The following MID1 variants were observed in gnomAD, a reference collection of about 807,000 sequenced individuals.
MID1 encodes midline 1, also known as E3 ubiquitin-protein ligase Midline-1.
A neutral mutation model predicts 40.4 loss-of-function variants in MID1; 7 were observed. The ratio of observed to expected loss-of-function variants is 0.17; its 90% CI spans 0.10 to 0.33. The LOEUF is 0.33. Ranked by LOEUF, MID1 falls within the 10% of genes least tolerant of loss-of-function variation. MID1 has a pLI of 1.00. For missense variants in MID1, 367 were observed against 558.5 expected, an observed-to-expected ratio of 0.66 and a Z score of 3.46; for synonymous variants, 229 against 221.2, an observed-to-expected ratio of 1.04 and a Z score of -0.31.
At chrX:10,590,355 A>C (rs965562322) in intron 1 of MID1, among the ~76,000 whole-genome samples, 1 of 111,243 alleles carries the variant, frequency 9.0e-6, no homozygotes, top group African/African-American at 3.3e-5. Flanking sequence ...TAGGAGAATA[A>C]AGTTGCTATT....
chrX:10,553,795 C>A, intron 2 of MID1, among the ~76,000 whole-genome samples: 1 of 111,811 alleles, frequency 8.9e-6, no homozygotes, highest in Non-Finnish European at 1.9e-5. Flanking sequence ...TGGAAACTAG[C>A]TCATCCTCAA....
chrX:10,566,532 C>CCTCTCTCTCCCTCTCT (rs1934550291), intron 2 of MID1, among the ~76,000 whole-genome samples: 7 of 52,847 alleles, frequency 1.3e-4, no homozygotes, highest in African/African-American at 4.2e-4. Context: ...CCTCTCTCTC[C>CCTCTCTCTCCCTCTCT]CTCTCTCTCT....
chrX:10,671,859 C>T (rs1213353012), intron 1 of MID1, among the ~76,000 whole-genome samples: 1 of 111,369 alleles, frequency 9.0e-6, no homozygotes, highest in African/African-American at 3.3e-5. Flanking sequence ...CATTTCACCT[C>T]TCCACTTGAA....
chrX:10,782,297 T>C (rs2043852852), intron 1 of MID1, among the ~76,000 whole-genome samples: 1 of 112,018 alleles, frequency 8.9e-6, no homozygotes, highest in African/African-American at 3.2e-5. Context: ...TGACCCTTCC[T>C]GTCTGCCGCC....
At chrX:10,815,411 C>T (rs73202031) in intron 1 of MID1, among the ~76,000 whole-genome samples, 3,109 of 112,003 alleles carry the variant, frequency 0.028, 34 homozygotes, top group South Asian at 0.043. Flanking sequence ...AAGCAGCCAA[C>T]GACATGGTGT....
intron 1 of MID1, among the ~76,000 whole-genome samples, chrX:10,745,362 T>C (rs1315315958): frequency 8.9e-6 from 1 of 112,082 alleles, no homozygotes; most frequent in Non-Finnish European, 1.9e-5. Flanking sequence ...CCACAGAAAG[T>C]GGCATGCCCA....
chrX:10,454,472 T>C (rs769922158), intron 9 of MID1, among the ~76,000 whole-genome samples: 13 of 111,101 alleles, frequency 1.2e-4, no homozygotes, highest in African/African-American at 4.4e-4. Flanking sequence ...AAGGCAGCCA[T>C]GGACTATATG....
chrX:10,558,673 C>T (rs1397055739), intron 2 of MID1, among the ~76,000 whole-genome samples: 1 of 113,075 alleles, frequency 8.8e-6, no homozygotes, highest in African/African-American at 3.2e-5. Context: ...GTCGTTCTGA[C>T]ATGTGTTGCA....
At chrX:10,558,950 A>G (rs1602402351) in intron 2 of MID1, among the ~76,000 whole-genome samples, 1 of 112,002 alleles carries the variant, frequency 8.9e-6, no homozygotes, top group East Asian at 2.8e-4. Flanking sequence ...GCAATAATAC[A>G]TTGCTCTCTG....
At position 10,461,993 on chromosome X, in the gene MID1, C is replaced by T. The variant is rs991666829; in HGVS notation, c.1286-2186G>A. On this transcript the variant is annotated intron_variant, in intron 7 of 9. Transcript: ENST00000317552. ...AGCAGATGTCTGAAATTGCTGAAAA[C>T]TGTAACTTGGCCTAAAATCCAAAGT... Among the ~76,000 whole-genome samples, 5 of 112,044 alleles carry T rather than the reference C, an allele frequency of 4.5e-5. No individual in the cohort carries two copies. In the East Asian group the frequency reaches 1.4e-3, roughly 31 times the overall value.
chrX:10,613,726 T>TAG (rs1372257941), intron 1 of MID1, among the ~76,000 whole-genome samples: 197 of 48,449 alleles, frequency 4.1e-3, no homozygotes, highest in East Asian at 9.0e-3. Flanking sequence ...TATATATATA[T>TAG]ATATATAGAG....
At chrX:10,743,495 G>A (rs1449535238) in intron 1 of MID1, among the ~76,000 whole-genome samples, 1 of 112,139 alleles carries the variant, frequency 8.9e-6, no homozygotes, top group Non-Finnish European at 1.9e-5. Context: ...TAACAACTGT[G>A]TTTAGGGCAG....
At chrX:10,647,688 T>C (rs1936276024) in intron 1 of MID1, among the ~76,000 whole-genome samples, 1 of 111,644 alleles carries the variant, frequency 9.0e-6, no homozygotes, top group African/African-American at 3.3e-5. Context: ...CCCTAGCATG[T>C]AGTGAGCCAA....
At chrX:10,533,710 A>T (rs965468535) in intron 2 of MID1, among the ~76,000 whole-genome samples, 2 of 112,010 alleles carry the variant, frequency 1.8e-5, no homozygotes, top group African/African-American at 6.5e-5. Flanking sequence ...TATAGATAAG[A>T]TGTCTTAAAT....
At chrX:10,643,097 G>A (rs1936220130) in intron 1 of MID1, among the ~76,000 whole-genome samples, 1 of 111,603 alleles carries the variant, frequency 9.0e-6, no homozygotes, top group African/African-American at 3.3e-5. Flanking sequence ...TCAGAACGTA[G>A]GCATGGGCAG....
intron 1 of MID1, among the ~76,000 whole-genome samples, chrX:10,831,427 C>A (rs1346650729): frequency 9.0e-6 from 1 of 111,528 alleles, no homozygotes; most frequent in African/African-American, 3.3e-5. Context: ...AGGGCACCTA[C>A]TAACATCTTG....
At chrX:10,480,330 A>C (rs938706854) in intron 5 of MID1, among the ~76,000 whole-genome samples, 1 of 112,377 alleles carries the variant, frequency 8.9e-6, no homozygotes, top group Non-Finnish European at 1.9e-5. Flanking sequence ...CCTGTGCTAT[A>C]CTTCAGATGC....
intron 2 of MID1, among the ~76,000 whole-genome samples, chrX:10,545,572 T>C (rs143035204): frequency 0.035 from 3,954 of 111,724 alleles, 77 homozygotes; most frequent in Non-Finnish European, 0.056. Flanking sequence ...ACAATCATAC[T>C]TTCCTTTAGC....
At chrX:10,682,377 T>C (rs991224539) in intron 1 of MID1, among the ~76,000 whole-genome samples, 3 of 110,677 alleles carry the variant, frequency 2.7e-5, no homozygotes, top group African/African-American at 9.8e-5. Flanking sequence ...GAAACCTAAT[T>C]ATTATGCTCC....
Sources: allele counts gnomAD v4.1 joint callset (sites outside exome capture counted in the v4.1 genomes callset), GRCh38; gene constraint gnomAD v4.1.1; transcripts MANE v1.5; gene names NCBI Gene and HGNC (gene_info 2026-07-23, HGNC 2026-07-21).